Variants in SHTN1 observed in about 807,000 individuals in gnomAD.
SHTN1 encodes shootin 1.
A neutral mutation model predicts 83.1 loss-of-function variants in SHTN1; 42 were observed. The ratio of observed to expected loss-of-function variants is 0.51; its 90% CI spans 0.39 to 0.65. SHTN1 has a LOEUF of 0.65. Among genes scored for constraint, SHTN1 ranks in the 30% least tolerant of loss-of-function variants. The pLI, the probability that SHTN1 is intolerant of heterozygous loss-of-function variation, is 0.00. For synonymous variants in SHTN1, 224 were observed against 247.7 expected, an observed-to-expected ratio of 0.90 and a Z score of 0.90; for missense variants, 622 against 737.8, an observed-to-expected ratio of 0.84 and a Z score of 1.82.
chr10:117,070,658 T>A (rs527638035), intron 1 of SHTN1, among the ~76,000 whole-genome samples: 1 of 151,282 alleles, frequency 6.6e-6, no homozygotes, highest in Non-Finnish European at 1.5e-5. Context: ...GCTACTCAGG[T>A]TCTTGAGATC....
chr10:116,943,839 A>G (rs1849473348), intron 8 of SHTN1, among the ~76,000 whole-genome samples: 1 of 152,130 alleles, frequency 6.6e-6, no homozygotes, highest in Non-Finnish European at 1.5e-5. Flanking sequence ...GTATGCACAC[A>G]AATTCAAACT....
At chr10:116,984,120 T>A (rs547764016) in intron 1 of SHTN1, among the ~76,000 whole-genome samples, 5 of 152,224 alleles carry the variant, frequency 3.3e-5, no homozygotes, top group South Asian at 4.2e-4. Context: ...CGCTGAAAGT[T>A]CAGCATCCTA....
intron 3 of SHTN1, among the ~76,000 whole-genome samples, chr10:116,963,220 C>T (rs1275516536): frequency 1.3e-5 from 2 of 149,366 alleles, no homozygotes; most frequent in African/African-American, 2.5e-5. Flanking sequence ...TACAGGCGCC[C>T]GCCATCACGC....
At chr10:117,023,061 T>G (rs1229716798) in intron 2 of SHTN1, among the ~76,000 whole-genome samples, 1 of 152,236 alleles carries the variant, frequency 6.6e-6, no homozygotes, top group Non-Finnish European at 1.5e-5. Flanking sequence ...GAATTTAATA[T>G]GACAACATTA....
intron 1 of SHTN1, among the ~76,000 whole-genome samples, chr10:117,068,440 G>A (rs937661494): frequency 4.6e-5 from 7 of 152,008 alleles, no homozygotes; most frequent in South Asian, 4.2e-4. Context: ...CACCAATCTC[G>A]GATTACAGCA....
intron 1 of SHTN1, among the ~76,000 whole-genome samples, chr10:117,093,381 C>A (rs1204856043): frequency 6.6e-6 from 1 of 151,700 alleles, no homozygotes; most frequent in Non-Finnish European, 1.5e-5. Context: ...TTATTAATAA[C>A]TTGAAATGAA....
At chr10:116,983,680 ATAGATAAATACATACATACATACATAC>A (rs1564913696) in intron 1 of SHTN1, among the ~76,000 whole-genome samples, 22 of 50,736 alleles carry the variant, frequency 4.3e-4, no homozygotes, top group Non-Finnish European at 9.5e-4. Flanking sequence ...AGATAGATAG[ATAGATAAATACATACATACATACATAC>A]ATACATACAT....
At chr10:117,108,647 G>A (rs1462534030) in intron 1 of SHTN1, among the ~76,000 whole-genome samples, 3 of 151,718 alleles carry the variant, frequency 2.0e-5, no homozygotes, top group Non-Finnish European at 4.4e-5. Flanking sequence ...CATGGCACAT[G>A]TATACATATG....
rs116648142 is a variant in SHTN1 at position 117,097,009 on chromosome 10, G to A, written c.-189+29298C>T. ...CCTACAAACACCCAAGCGCGCACGC[G>A]CGCGCACACACACACACATAGACAC... On this transcript the variant is annotated intron_variant, in intron 1 of 17. Transcript: ENST00000392901. Among the ~76,000 whole-genome samples, 1,356 of 145,910 alleles carry A rather than the reference G, an allele frequency of 9.3e-3. 16 individuals are homozygous for A. The highest frequency in any genetic ancestry group is 0.032 in the African/African-American group (1,264 of 39,550).
At chr10:117,118,431 C>A in intron 1 of SHTN1, among the ~76,000 whole-genome samples, 1 of 148,266 alleles carries the variant, frequency 6.7e-6, no homozygotes, top group Non-Finnish European at 1.5e-5. Context: ...GAAAGGGGAA[C>A]TCTCATACAC....
At chr10:117,067,982 A>G (rs944082851) in intron 1 of SHTN1, among the ~76,000 whole-genome samples, 2 of 152,148 alleles carry the variant, frequency 1.3e-5, no homozygotes, top group Non-Finnish European at 2.9e-5. Context: ...TAGAGACATA[A>G]AGAGTCCAAA....
intron 1 of SHTN1, among the ~76,000 whole-genome samples, chr10:117,001,031 C>T (rs988484309): frequency 4.0e-5 from 6 of 151,898 alleles, no homozygotes; most frequent in African/African-American, 1.5e-4. Context: ...CACTGAATTC[C>T]GGAGGGGGAG....
At chr10:117,091,949 G>C (rs1258874339) in intron 1 of SHTN1, among the ~76,000 whole-genome samples, 4 of 152,170 alleles carry the variant, frequency 2.6e-5, no homozygotes, top group Admixed American at 1.3e-4. Flanking sequence ...TGACTGCCAT[G>C]TGTCAAGTGA....
At position 117,097,891 on chromosome 10, in the gene SHTN1, G is replaced by GT. The variant is rs998159464; in HGVS notation, c.-189+28415dup. ...GTTGATTCAAAGGTTATCAAAGGTT[G>GT]TTTTTTTTTTTCCATCATCCCAACA... On this transcript the variant is annotated intron_variant, in intron 1 of 17. Transcript: ENST00000392901. Among the ~76,000 whole-genome samples, 957 of 145,506 alleles carry GT rather than the reference G, an allele frequency of 6.6e-3. 6 individuals are homozygous for GT. Among genetic ancestry groups the GT allele is most frequent in the African/African-American group, 0.019 (741 of 39,980 alleles).
At chr10:116,990,389 A>T (rs1461814714) in intron 1 of SHTN1, among the ~76,000 whole-genome samples, 2 of 149,886 alleles carry the variant, frequency 1.3e-5, no homozygotes, top group East Asian at 4.0e-4. Context: ...CTTTTGCAAC[A>T]AGCAAGGTTT....
chr10:116,986,298 C>T (rs1207766531), intron 1 of SHTN1, among the ~76,000 whole-genome samples: 2 of 152,076 alleles, frequency 1.3e-5, no homozygotes, highest in Non-Finnish European at 2.9e-5. Flanking sequence ...AACCACCATC[C>T]CCAAAACTGA....
intron 1 of SHTN1, among the ~76,000 whole-genome samples, chr10:117,064,559 G>C (rs1852945611): frequency 6.6e-6 from 1 of 151,848 alleles, no homozygotes; most frequent in Non-Finnish European, 1.5e-5. Context: ...GGAGGCTGAG[G>C]CAGGAGAATC....
At chr10:116,982,204 G>A (rs1210437545) in intron 1 of SHTN1, among the ~76,000 whole-genome samples, 1 of 152,154 alleles carries the variant, frequency 6.6e-6, no homozygotes, top group East Asian at 1.9e-4. Context: ...GAACCCAGAT[G>A]AAACATTGTA....
upstream of SHTN1, chr10:117,005,598 T>G: frequency 1.0e-6 from 1 of 989,924 alleles, no homozygotes; most frequent in Non-Finnish European, 1.2e-6. Flanking sequence ...CGCCTGGGCT[T>G]CTTCCCTAGT....
Sources: gnomAD v4.1 joint callset for allele counts (sites outside exome capture counted in the v4.1 genomes callset) on GRCh38, gnomAD v4.1.1 for gene constraint, MANE v1.5 for transcripts, NCBI Gene and HGNC (gene_info 2026-07-23, HGNC 2026-07-21) for gene names.